The following CHD6 variants were observed in gnomAD, a reference collection of about 807,000 sequenced individuals.
CHD6 encodes the protein ATP-dependent chromatin remodeler CHD6.
Under a neutral mutation model 276.9 loss-of-function variants are expected in CHD6, and 50 were observed. The ratio of observed to expected loss-of-function variants is 0.18; its 90% CI spans 0.14 to 0.23. The LOEUF (loss-of-function observed/expected upper bound fraction) is 0.23, where lower values mean the gene tolerates loss of function less well. Ranked by LOEUF, CHD6 falls within the 10% of genes least tolerant of loss-of-function variation. The pLI is 1.00. For missense variants in CHD6, 2,564 were observed against 3,365.8 expected (o/e 0.76, Z 5.89); for synonymous variants, 1,173 against 1,229.3 (o/e 0.95, Z 0.96).
chr20:41,587,042 G>A (rs1008480248), intron 1 of CHD6, among the ~76,000 whole-genome samples: 3 of 152,104 alleles, frequency 2.0e-5, no homozygotes, highest in African/African-American at 7.2e-5. Context: ...ATTTGCACTT[G>A]ACATAACTAA....
intron 36 of CHD6, 50 bp downstream of exon 36, chr20:41,412,094 C>A (rs1482390148): frequency 6.2e-7 from 1 of 1,607,276 alleles, no homozygotes; most frequent in Non-Finnish European, 8.5e-7. Flanking sequence ...AGGCACGGCT[C>A]AACCAGGATG....
chr20:41,513,615 T>C (rs897043009), intron 4 of CHD6, among the ~76,000 whole-genome samples: 24 of 152,306 alleles, frequency 1.6e-4, no homozygotes, highest in African/African-American at 5.5e-4. Flanking sequence ...ATTAAGAAGC[T>C]GTACCTTTTA....
At chr20:41,407,564 G>T (rs1323848492) in intron 36 of CHD6, among the ~76,000 whole-genome samples, 4 of 152,228 alleles carry the variant, frequency 2.6e-5, no homozygotes, top group Admixed American at 2.0e-4. Flanking sequence ...TTTTCCCACT[G>T]CCTCTCTTCT....
intron 1 of CHD6, chr20:41,563,984 ATG>A (rs1487878368): frequency 1.3e-6 from 1 of 761,966 alleles, no homozygotes; most frequent in East Asian, 2.4e-5. Flanking sequence ...TTACATTTTA[ATG>A]TCTTTTGTGG....
Position 41,417,356 on chromosome 20 carries a change from A to G in CHD6, c.6128-7T>C, listed in dbSNP as rs759417312. On this transcript the variant is annotated splice_region_variant and splice_polypyrimidine_tract_variant and intron_variant, in intron 31 of 36. Transcript: ENST00000373233. Reference sequence around the variant, plus strand: ...GAGTACTTCCCTGGATAATCTGGGAAGAGGTTAAAAAATTAATCAGGCACT... The same window carrying G: ...GAGTACTTCCCTGGATAATCTGGGAGGAGGTTAAAAAATTAATCAGGCACT... The G allele has an allele frequency of 4.3e-6, 7 of 1,609,520 alleles. No homozygotes were observed. Among genetic ancestry groups the G allele is most frequent in the Non-Finnish European group, 5.1e-6 (6 of 1,178,940 alleles).
chr20:41,418,791 C>A (rs975457736), intron 31 of CHD6, among the ~76,000 whole-genome samples: 1 of 152,090 alleles, frequency 6.6e-6, no homozygotes, highest in Non-Finnish European at 1.5e-5. Context: ...CCAGGGTCTG[C>A]AAAAGCACTT....
intron 1 of CHD6, among the ~76,000 whole-genome samples, chr20:41,595,927 G>C (rs937702737): frequency 1.3e-5 from 2 of 151,980 alleles, no homozygotes; most frequent in African/African-American, 4.8e-5. Flanking sequence ...GCAGGGGCCT[G>C]TCCTCCTCTA....
intron 26 of CHD6, among the ~76,000 whole-genome samples, chr20:41,437,639 T>C (rs1396421439): frequency 6.6e-6 from 1 of 152,236 alleles, no homozygotes; most frequent in African/African-American, 2.4e-5. Flanking sequence ...GTATCCTCCA[T>C]GAATAAAGTG....
intron 30 of CHD6, among the ~76,000 whole-genome samples, 164 bp from the exon 31 acceptor site, chr20:41,422,243 G>T (rs953585927): frequency 6.6e-6 from 1 of 152,132 alleles, no homozygotes. Context: ...GAAAAAGAAT[G>T]GAAGGCTTTT....
chr20:41,542,311 G>A (rs556108997), intron 2 of CHD6, among the ~76,000 whole-genome samples: 11 of 152,214 alleles, frequency 7.2e-5, no homozygotes, highest in Non-Finnish European at 1.3e-4. Context: ...GTAGCTTTGG[G>A]CTACCAGAGG....
Position 41,421,978 on chromosome 20 carries a change from G to C in CHD6, c.4657C>G (p.Leu1553Val). Residue 1553 changes from leucine to valine, a missense_variant, in exon 31 of 37, where the codon CTC becomes GTC. Leu to Val is a conservative substitution (Grantham distance 32). Transcript: ENST00000373233. ...CGTTCATGCAGCTGAGGGCACTTGA[G>C]CACTTGCTCTCGGACTTTCCGTAAC... ...ELLRKVREQVLKCPQLHERLQ... is the reference protein window; with the variant it reads ...ELLRKVREQVVKCPQLHERLQ... 6.2e-7 allele frequency: 1 copy of C among 1,614,248 alleles called. No individual in the cohort carries two copies. The highest frequency in any genetic ancestry group is 8.5e-7 in the Non-Finnish European group (1 of 1,180,044).
chr20:41,558,757 C>T (rs1478158005), intron 1 of CHD6, among the ~76,000 whole-genome samples: 1 of 152,142 alleles, frequency 6.6e-6, no homozygotes, highest in South Asian at 2.1e-4. Context: ...CTCCCAGTTA[C>T]TCTTTCCTCA....
chr20:41,551,995 C>A (rs536076594), intron 1 of CHD6, among the ~76,000 whole-genome samples: 9 of 152,242 alleles, frequency 5.9e-5, no homozygotes, highest in South Asian at 2.1e-4. Context: ...CTTGACAACA[C>A]TGAACTTCTC....
At chr20:41,558,840 C>A (rs1162999473) in intron 1 of CHD6, among the ~76,000 whole-genome samples, 1 of 152,080 alleles carries the variant, frequency 6.6e-6, no homozygotes, top group African/African-American at 2.4e-5. Context: ...GAAAACAGCA[C>A]CCCCACCTCC....
At position 41,581,856 on chromosome 20, in the gene CHD6, G is replaced by A. The variant is rs1203087218; in HGVS notation, c.-23-30496C>T. Among the ~76,000 whole-genome samples, 3 of 152,330 alleles carry A rather than the reference G, an allele frequency of 2.0e-5. No homozygotes were observed. In the East Asian group the frequency reaches 5.8e-4, roughly 29 times the overall value. ...TAGTAGTAAAGGGAATACTGGAGAAGCAGAAGACAGCTATTCCCTCAAAAC... is the reference window on the plus strand; with the variant it reads ...TAGTAGTAAAGGGAATACTGGAGAAACAGAAGACAGCTATTCCCTCAAAAC... On this transcript the variant is annotated intron_variant, in intron 1 of 36. Transcript: ENST00000373233.
Position 41,455,826 on chromosome 20 carries a change from C to A in CHD6, c.2983G>T (p.Glu995Ter). Residue 995 changes from glutamate to a stop codon, truncating the protein, a stop_gained, in exon 19 of 37, where the codon GAG (glutamate) becomes TAG (stop). Coordinates refer to ENST00000373233, the MANE Select transcript of CHD6 (RefSeq NM_032221.5). LOFTEE classifies it high-confidence loss of function. ...TTGGCAAAAGTGGACCCTTTCCCCTCAGACTGGATGGTGATGGTGTGCGTT... is the reference window on the plus strand; with the variant it reads ...TTGGCAAAAGTGGACCCTTTCCCCTAAGACTGGATGGTGATGGTGTGCGTT... ...RRTHTITIQS[E>*]GKGSTFAKAS... 6.2e-7 allele frequency: 1 copy of A among 1,600,732 alleles called. No individual in the cohort carries two copies. The highest frequency in any genetic ancestry group is 8.5e-7 in the Non-Finnish European group (1 of 1,174,168).
chr20:41,553,815 T>G (rs560084136), intron 1 of CHD6, among the ~76,000 whole-genome samples: 1 of 152,340 alleles, frequency 6.6e-6, no homozygotes, highest in Admixed American at 6.5e-5. Flanking sequence ...TCTAACAATA[T>G]GTCTCAAATA....
chr20:41,405,499 C>A lies in CHD6; in HGVS notation c.7252-10G>T. 1 of 1,537,910 alleles carries A rather than the reference C, an allele frequency of 6.5e-7. No homozygotes were observed. The highest frequency in any genetic ancestry group is 8.7e-7 in the Non-Finnish European group (1 of 1,143,788). Reference sequence around the variant, plus strand: ...TTTCTGGAAGAAACCCCTGGAAAAACAAAGAAACACAAAATGCTGAAGGCA... The same window carrying A: ...TTTCTGGAAGAAACCCCTGGAAAAAAAAAGAAACACAAAATGCTGAAGGCA... On this transcript the variant is annotated splice_polypyrimidine_tract_variant and intron_variant, in intron 36 of 36. Transcript: ENST00000373233.
intron 1 of CHD6, among the ~76,000 whole-genome samples, chr20:41,611,248 A>C (rs1351553770): frequency 4.6e-5 from 7 of 152,228 alleles, no homozygotes; most frequent in Non-Finnish European, 1.0e-4. Context: ...CTTCACAGAC[A>C]CAGAAAAAAA....
Sources: gnomAD v4.1 joint callset for allele counts (sites outside exome capture counted in the v4.1 genomes callset) on GRCh38, gnomAD v4.1.1 for gene constraint, MANE v1.5 for transcripts, NCBI Gene and HGNC (gene_info 2026-07-23, HGNC 2026-07-21) for gene names.